TP63: variants seen among roughly 807,000 people sequenced by gnomAD.
The protein encoded by TP63 is tumor protein 63.
TP63 carries 17 observed loss-of-function variants against 82.8 expected under a neutral mutation model. The observed-to-expected ratio is 0.21, with a 90% CI of 0.14 to 0.31. The LOEUF (loss-of-function observed/expected upper bound fraction) is 0.31, where lower values mean the gene tolerates loss of function less well. Among genes scored for constraint, TP63 ranks in the 10% least tolerant of loss-of-function variants. TP63 has a pLI of 1.00. For missense variants in TP63, 648 were observed against 895.3 expected (o/e 0.72, Z 3.52); for synonymous variants, 330 against 321.7 (o/e 1.03, Z -0.28).
intron 1 of TP63, among the ~76,000 whole-genome samples, chr3:189,651,656 C>T (rs1712901815): frequency 6.8e-6 from 1 of 146,326 alleles, no homozygotes; most frequent in Admixed American, 6.7e-5. Flanking sequence ...ATGTTAATCA[C>T]TGAAACAATG....
At chr3:189,794,174 A>G (rs1456011229) in intron 3 of TP63, among the ~76,000 whole-genome samples, 1 of 152,070 alleles carries the variant, frequency 6.6e-6, no homozygotes, top group Admixed American at 6.6e-5. Context: ...AGAAAGAGAA[A>G]CAGGTTAGAA....
intron 4 of TP63, among the ~76,000 whole-genome samples, chr3:189,826,480 T>C (rs1729366701): frequency 6.6e-6 from 1 of 152,214 alleles, no homozygotes; most frequent in African/African-American, 2.4e-5. Context: ...ACATACAGTT[T>C]TTATTTGAGG....
At chr3:189,708,912 A>T (rs1366350037) in intron 1 of TP63, among the ~76,000 whole-genome samples, 1 of 152,184 alleles carries the variant, frequency 6.6e-6, no homozygotes. Flanking sequence ...AAGAGCCTTT[A>T]CGTTGTGTTC....
intron 1 of TP63, among the ~76,000 whole-genome samples, chr3:189,724,326 A>C (rs183997328): frequency 3.9e-5 from 6 of 152,198 alleles, no homozygotes; most frequent in Non-Finnish European, 8.8e-5. Flanking sequence ...TTTAATTCTT[A>C]ATAATGATTT....
chr3:189,761,596 C>T (rs1722575503), intron 3 of TP63, among the ~76,000 whole-genome samples: 1 of 152,160 alleles, frequency 6.6e-6, no homozygotes, highest in Non-Finnish European at 1.5e-5. Flanking sequence ...AACTTCCCTG[C>T]ATTATCTTGT....
chr3:189,631,842 A>C (rs1237177423), intron 1 of TP63, among the ~76,000 whole-genome samples: 1 of 152,170 alleles, frequency 6.6e-6, no homozygotes, highest in Non-Finnish European at 1.5e-5. Context: ...AGAATGTTTA[A>C]AATATATTAT....
intron 4 of TP63, among the ~76,000 whole-genome samples, chr3:189,838,720 A>C (rs1202912165): frequency 6.6e-6 from 1 of 152,198 alleles, no homozygotes; most frequent in Admixed American, 6.5e-5. Context: ...AGAGGAGAGC[A>C]AAAGTTTAAA....
intron 3 of TP63, among the ~76,000 whole-genome samples, chr3:189,750,992 C>G (rs1296879903): frequency 6.6e-6 from 1 of 152,064 alleles, no homozygotes; most frequent in Non-Finnish European, 1.5e-5. Flanking sequence ...CTGACAGGCC[C>G]TGATGTGTGA....
In TP63 at chr3:189,652,448, C is replaced by A. The variant is rs1240813416; in HGVS notation, c.62+20871C>A. The stretch of plus-strand genomic sequence containing the variant: ...TGGGTGTATTTACCCAATGCCTGTA[C>A]CCTTATTGTATCTAGGAAGTAACTA... On this transcript the variant is annotated intron_variant, in intron 1 of 13. Transcript: ENST00000264731. Among the ~76,000 whole-genome samples, 2 of 146,942 alleles carry A rather than the reference C, an allele frequency of 1.4e-5. 1 individual carries two copies. The highest frequency in any genetic ancestry group is 5.1e-5 in the African/African-American group (2 of 39,200).
chr3:189,639,380 G>A (rs750099338), intron 1 of TP63, among the ~76,000 whole-genome samples: 19 of 152,018 alleles, frequency 1.2e-4, no homozygotes, highest in Non-Finnish European at 2.5e-4. Flanking sequence ...AATATTTGGG[G>A]GATAACTTAG....
intron 12 of TP63, 35 bp downstream of exon 12, chr3:189,889,519 C>A: frequency 1.2e-6 from 2 of 1,614,086 alleles, no homozygotes; most frequent in South Asian, 2.2e-5. Context: ...GGGGCCTGCC[C>A]TAAGCATCCC....
At chr3:189,824,222 T>G (rs1013743265) in intron 4 of TP63, among the ~76,000 whole-genome samples, 1 of 151,716 alleles carries the variant, frequency 6.6e-6, no homozygotes, top group Admixed American at 6.6e-5. Flanking sequence ...ATTATTATTA[T>G]TATTTTTTTT....
the TP63 span, among the ~76,000 whole-genome samples, chr3:189,616,008 C>T: frequency 6.6e-6 from 1 of 152,180 alleles, no homozygotes. Flanking sequence ...TGGCCTAGAA[C>T]TCACAGTTAG....
chr3:189,610,779 G>T, the TP63 span, among the ~76,000 whole-genome samples: 2 of 152,144 alleles, frequency 1.3e-5, no homozygotes, highest in Non-Finnish European at 2.9e-5. Context: ...TCATGCTGCT[G>T]ATAAAGACAT....
At chr3:189,651,244 AG>A (rs1378019928) in intron 1 of TP63, among the ~76,000 whole-genome samples, 1 of 147,104 alleles carries the variant, frequency 6.8e-6, no homozygotes, top group African/African-American at 2.6e-5. Context: ...GTGATGTAAT[AG>A]AAAAGAAAAA....
the TP63 span, among the ~76,000 whole-genome samples, chr3:189,618,296 C>T: frequency 6.6e-6 from 1 of 152,180 alleles, no homozygotes; most frequent in Non-Finnish European, 1.5e-5. Flanking sequence ...AAAATGGGCT[C>T]AGGTCAAAGA....
rs1298689938 is a variant in TP63 at position 189,896,338 on chromosome 3, C to G, written c.*1836C>G. 4 of 208,084 alleles carry G rather than the reference C, an allele frequency of 1.9e-5. No homozygotes were observed. The Admixed American group carries it at 2.4e-4, about 12-fold the overall frequency. 12.9% of individuals were successfully genotyped at this position (208,084 alleles called of 1,614,324 possible). A position where few individuals can be genotyped will look rare whatever the true frequency, so the allele number is the denominator to read the frequency against. On this transcript the variant is annotated 3_prime_UTR_variant, in exon 14 of 14. Transcript: ENST00000264731. ...GGATTTCCAGAACCACACTTGAAACCTTTTTTTATCGTTTTTGTATTTTCA... is the reference window on the plus strand; with the variant it reads ...GGATTTCCAGAACCACACTTGAAACGTTTTTTTATCGTTTTTGTATTTTCA...
intron 1 of TP63, among the ~76,000 whole-genome samples, chr3:189,677,327 CAT>C (rs1484256640): frequency 4.9e-5 from 3 of 60,652 alleles, no homozygotes; most frequent in Non-Finnish European, 1.5e-4. Context: ...TATACACACA[CAT>C]ATTTATATAT....
intron 3 of TP63, among the ~76,000 whole-genome samples, chr3:189,780,002 C>T (rs1724105656): frequency 6.6e-6 from 1 of 151,986 alleles, no homozygotes; most frequent in South Asian, 2.1e-4. Context: ...TATAGGTATC[C>T]CAAGAATTGA....
Sources: allele counts gnomAD v4.1 joint callset (sites outside exome capture counted in the v4.1 genomes callset), GRCh38; gene constraint gnomAD v4.1.1; transcripts MANE v1.5; gene names NCBI Gene and HGNC (gene_info 2026-07-23, HGNC 2026-07-21).